PARVG: variants seen among roughly 807,000 people sequenced by gnomAD.
PARVG encodes the protein parvin gamma, also known as gamma-parvin.
Under a neutral mutation model 44.4 loss-of-function variants are expected in PARVG, and 36 were observed. That is an observed-to-expected ratio of 0.81 (90% CI 0.62 to 1.07). The LOEUF (loss-of-function observed/expected upper bound fraction) is 1.07, where lower values mean the gene tolerates loss of function less well. PARVG is among the 50% of genes least tolerant of loss of function. PARVG has a pLI of 0.00. For synonymous variants in PARVG, 170 were observed against 174.1 expected (o/e 0.98, Z 0.19); for missense variants, 407 against 407.4 (o/e 1.00, Z 0.01).
chr22:44,173,034 G>T, exon 1 of PARVG: 1 of 1,289,780 alleles, frequency 7.8e-7, no homozygotes, highest in Non-Finnish European at 1.0e-6. Flanking sequence ...GTGCCAGGGC[G>T]TTGTGACTCC....
intron 11 of PARVG, 75 bp downstream of exon 11, chr22:44,196,490 C>G: frequency 6.5e-7 from 1 of 1,541,236 alleles, no homozygotes; most frequent in South Asian, 1.1e-5. Flanking sequence ...TTCTGCAGGC[C>G]CTGGGAACCT....
intron 6 of PARVG, 87 bp downstream of exon 6, chr22:44,189,341 G>T: frequency 6.5e-7 from 1 of 1,529,576 alleles, no homozygotes; most frequent in Non-Finnish European, 8.8e-7. Context: ...CCAGGAAGGC[G>T]CACTCATCCT....
chr22:44,179,005 T>A (rs977544017), upstream of PARVG, among the ~76,000 whole-genome samples: 2 of 152,242 alleles, frequency 1.3e-5, no homozygotes, highest in African/African-American at 4.8e-5. This position sits in a 1 kb window ranked among gnomAD's most constrained non-coding sequence, Gnocchi z 4.2. Flanking sequence ...TATTAATTTT[T>A]AAAAATTTTA....
chr22:44,175,948 C>T (rs139110), upstream of PARVG, among the ~76,000 whole-genome samples: 26,579 of 152,112 alleles, frequency 0.17, 2,772 homozygotes, highest in South Asian at 0.27. Flanking sequence ...ATGGTCACAC[C>T]GGACAGCTTT....
intron 12 of PARVG, among the ~76,000 whole-genome samples, chr22:44,198,983 CATCCATCATCTACCTATCT>C (rs2054667185): frequency 9.2e-5 from 13 of 141,952 alleles, no homozygotes; most frequent in Middle Eastern, 3.6e-3. Flanking sequence ...TCCATCCATC[CATCCATCATCTACCTATCT>C]ATCCATCCCC....
At chr22:44,185,942 G>T in intron 4 of PARVG, 70 bp downstream of exon 4, 1 of 1,480,570 alleles carries the variant, frequency 6.8e-7, no homozygotes, top group East Asian at 2.4e-5. Context: ...CCTCCACGGG[G>T]CGGGGACAGC....
intron 12 of PARVG, among the ~76,000 whole-genome samples, chr22:44,199,164 C>T (rs1320872782): frequency 1.4e-5 from 2 of 147,758 alleles, no homozygotes; most frequent in Admixed American, 6.8e-5. Context: ...TGTCCATGCA[C>T]CTATCTTCCT....
At chr22:44,183,541 C>A in intron 3 of PARVG, 133 bp downstream of exon 3, 1 of 779,814 alleles carries the variant, frequency 1.3e-6, no homozygotes, top group Non-Finnish European at 1.9e-6. Context: ...CCTGCCTCCA[C>A]CTTCTGCTTT....
intron 11 of PARVG, among the ~76,000 whole-genome samples, chr22:44,197,475 G>A (rs2054634230): frequency 6.6e-6 from 1 of 152,188 alleles, no homozygotes; most frequent in African/African-American, 2.4e-5. Flanking sequence ...CCAGGCAGCT[G>A]GGGCCAGAGT....
chr22:44,186,708 A>G (rs974261312), intron 4 of PARVG: 1 of 468,348 alleles, frequency 2.1e-6, no homozygotes, highest in Admixed American at 2.4e-5. Context: ...AAGGATTTGG[A>G]TGCCAGTAGT....
chr22:44,200,228 G>A (rs2147238156), intron 12 of PARVG, among the ~76,000 whole-genome samples: 1 of 152,282 alleles, frequency 6.6e-6, no homozygotes, highest in South Asian at 2.1e-4. Flanking sequence ...CCATGAGAAG[G>A]GATTTTACTA....
chr22:44,183,612 A>T, intron 3 of PARVG: 1 of 522,402 alleles, frequency 1.9e-6, no homozygotes, highest in Non-Finnish European at 3.3e-6. Flanking sequence ...TTCTCTCCAG[A>T]TGAGAGACGG....
intron 3 of PARVG, chr22:44,183,745 CT>C (rs1027661443): frequency 6.6e-5 from 27 of 407,884 alleles, no homozygotes; most frequent in Non-Finnish European, 1.1e-4. Context: ...TCAGTGCCTG[CT>C]TTATACAGAT....
chr22:44,184,203 T>C (rs1601729149), intron 3 of PARVG: 1 of 152,494 alleles, frequency 6.6e-6, no homozygotes, highest in East Asian at 1.9e-4. Flanking sequence ...GGAAGGGCTT[T>C]AGGTGAACTC....
intron 9 of PARVG, among the ~76,000 whole-genome samples, chr22:44,194,092 C>G (rs537256306): frequency 1.3e-5 from 2 of 152,170 alleles, no homozygotes; most frequent in East Asian, 3.9e-4. Flanking sequence ...TGTGTGGGCT[C>G]TGGAGTCAGT....
chr22:44,192,533 G>A (rs906072433), intron 8 of PARVG, among the ~76,000 whole-genome samples: 3 of 151,802 alleles, frequency 2.0e-5, no homozygotes, highest in Non-Finnish European at 4.4e-5. Flanking sequence ...TGGGGGTGTG[G>A]CTGTCTTACT....
upstream of PARVG, among the ~76,000 whole-genome samples, chr22:44,178,290 A>G (rs1408456175): frequency 3.3e-5 from 5 of 152,192 alleles, no homozygotes; most frequent in African/African-American, 1.2e-4. Flanking sequence ...GTGATCCCCA[A>G]GAAAAGGGTG....
rs182289232 is a variant in PARVG, at chr22:44,173,052, G to A, written c.-328G>A. 1.7e-4 allele frequency: 214 copies of A among 1,289,798 alleles called. No homozygotes were observed. In the East Asian group the frequency reaches 7.0e-3, roughly 42 times the overall value. 79.9% of individuals were successfully genotyped at this position (1,289,798 alleles called of 1,614,324 possible). A position where few individuals can be genotyped will look rare whatever the true frequency, so the allele number is the denominator to read the frequency against. On this transcript the variant is annotated 5_prime_UTR_variant, in exon 1 of 14. Coordinates refer to the PARVG transcript ENST00000422871. Reference sequence around the variant, plus strand: ...CCAGGGCGTTGTGACTCCACCCAGCGCTGCTTCCCGGGACCTTCCAATTGG... The same window carrying A: ...CCAGGGCGTTGTGACTCCACCCAGCACTGCTTCCCGGGACCTTCCAATTGG...
intron 9 of PARVG, among the ~76,000 whole-genome samples, chr22:44,195,823 G>T (rs937675385): frequency 1.4e-4 from 21 of 152,198 alleles, no homozygotes; most frequent in South Asian, 6.2e-4. Flanking sequence ...GTAGTAACAG[G>T]TGTCAGCTGC....
Sources: gnomAD v4.1 joint callset for allele counts (sites outside exome capture counted in the v4.1 genomes callset) on GRCh38, gnomAD v4.1.1 for gene constraint, Gnocchi (gnomAD v3.1) non-coding constraint, MANE v1.5 for transcripts, NCBI Gene and HGNC (gene_info 2026-07-23, HGNC 2026-07-21) for gene names.